SMARCC1: variants seen among roughly 807,000 people sequenced by gnomAD.
SMARCC1 encodes the protein SWI/SNF related BAF chromatin remodeling complex subunit C1.
In SMARCC1, 43 loss-of-function variants were observed where a neutral mutation model predicts 147.4. The ratio of observed to expected loss-of-function variants is 0.29; its 90% CI spans 0.23 to 0.38. The LOEUF (loss-of-function observed/expected upper bound fraction) is 0.38. Ranked by LOEUF, SMARCC1 falls within the 10% of genes least tolerant of loss-of-function variation. The pLI is 1.00. For synonymous variants in SMARCC1, 495 were observed against 484.4 expected (o/e 1.02, Z -0.29); for missense variants, 1,119 against 1,381.1 (o/e 0.81, Z 3.01).
intron 21 of SMARCC1, among the ~76,000 whole-genome samples, chr3:47,639,262 C>G (rs1289713045): frequency 1.3e-5 from 2 of 152,164 alleles, no homozygotes; most frequent in Non-Finnish European, 2.9e-5. Context: ...CAGATATTCA[C>G]TGAAATCTCA....
chr3:47,665,387 T>C (rs2033408177), intron 19 of SMARCC1, among the ~76,000 whole-genome samples: 1 of 152,204 alleles, frequency 6.6e-6, no homozygotes, highest in Admixed American at 6.6e-5. Flanking sequence ...AGTAGAAATA[T>C]ATCTACTGGG....
At chr3:47,700,695 C>T (rs2033907340) in intron 11 of SMARCC1, among the ~76,000 whole-genome samples, 1 of 151,942 alleles carries the variant, frequency 6.6e-6, no homozygotes, top group East Asian at 1.9e-4. Context: ...TGGCTAATTT[C>T]TATATTTTTA....
intron 1 of SMARCC1, among the ~76,000 whole-genome samples, chr3:47,776,653 T>G (rs1332852576): frequency 2.0e-5 from 3 of 151,958 alleles, no homozygotes; most frequent in Non-Finnish European, 4.4e-5. Flanking sequence ...AATGCCAAAC[T>G]CTATAGCTGA....
At chr3:47,708,126 G>T (rs1368946174) in intron 9 of SMARCC1, among the ~76,000 whole-genome samples, 2 of 65,432 alleles carry the variant, frequency 3.1e-5, no homozygotes, top group African/African-American at 1.1e-4. Flanking sequence ...TTGAGACAGG[G>T]TCTCACTCTG....
intron 24 of SMARCC1, among the ~76,000 whole-genome samples, chr3:47,626,466 A>G (rs2032812007): frequency 6.6e-6 from 1 of 151,396 alleles, no homozygotes; most frequent in African/African-American, 2.4e-5. Context: ...TTTAAAAAAA[A>G]AAAAAAAAGA....
At position 47,610,331 on chromosome 3, in the gene SMARCC1, T is replaced by C; in HGVS notation, c.2782-4A>G. The C allele has an allele frequency of 6.2e-7, 1 of 1,614,124 alleles. No individual in the cohort carries two copies. Among genetic ancestry groups the C allele is most frequent in the Non-Finnish European group, 8.5e-7 (1 of 1,179,956 alleles). ...ACTGCTGCCTCTGTTGTTCTAGCTG[T>C]AAGCAAAGGAAGTGGAAGAGAAATG... On this transcript the variant is annotated splice_region_variant and splice_polypyrimidine_tract_variant and intron_variant, in intron 25 of 27. Coordinates refer to ENST00000254480, the MANE Select transcript of SMARCC1 (RefSeq NM_003074.4).
intron 24 of SMARCC1, among the ~76,000 whole-genome samples, chr3:47,623,885 T>C (rs2032769719): frequency 3.9e-5 from 1 of 25,944 alleles, no homozygotes; most frequent in East Asian, 2.0e-3. Context: ...GTTTCTGGTA[T>C]TTTTTTTTTT....
At chr3:47,725,188 T>C (rs1186097879) in intron 6 of SMARCC1, among the ~76,000 whole-genome samples, 1 of 151,870 alleles carries the variant, frequency 6.6e-6, no homozygotes, top group Non-Finnish European at 1.5e-5. Context: ...ACCTTGAAAA[T>C]ATTATGCTAA....
chr3:47,604,158 G>A (rs2106659646), intron 26 of SMARCC1: 1 of 456,730 alleles, frequency 2.2e-6, no homozygotes, highest in Non-Finnish European at 4.4e-6. Context: ...AAGTGTTTAA[G>A]AGCCTAGCAG....
chr3:47,680,321 C>T, intron 15 of SMARCC1, 116 bp downstream of exon 15: 2 of 745,854 alleles, frequency 2.7e-6, no homozygotes, highest in African/African-American at 1.8e-5. Flanking sequence ...GAACACTGTT[C>T]TGAAAGGAGT....
In SMARCC1 at chr3:47,637,119, G is replaced by A. The variant is rs2032981536; in HGVS notation, c.2377-983C>T. On this transcript the variant is annotated intron_variant, in intron 22 of 27. Coordinates refer to ENST00000254480, the MANE Select transcript of SMARCC1 (RefSeq NM_003074.4). ...TGGTTTCAAAGTCCTAGTATCAAGT[G>A]ATCCTCCAGCCTCCCAAGTGATCCT... 3.9e-5 allele frequency among the ~76,000 whole-genome samples: 6 copies of A among 152,040 alleles called. No homozygotes were observed. In the South Asian group the frequency reaches 1.2e-3, roughly 32 times the overall value.
chr3:47,750,899 ATTTT>A (rs113564707), intron 2 of SMARCC1, among the ~76,000 whole-genome samples: 1 of 144,410 alleles, frequency 6.9e-6, no homozygotes, highest in Admixed American at 7.0e-5. Context: ...AGACAAAGTA[ATTTT>A]TTTTTTTTTT....
At chr3:47,765,635 GT>G (rs1350045846) in intron 2 of SMARCC1, among the ~76,000 whole-genome samples, 1 of 152,006 alleles carries the variant, frequency 6.6e-6, no homozygotes, top group Admixed American at 6.6e-5. Flanking sequence ...CTAGTCCCAT[GT>G]TCCCAAAGAT....
rs34523367 is a variant in SMARCC1 at position 47,740,178 on chromosome 3, CTTTTTTTTTTTTTTTTT to C, written c.402-2085_402-2069del. On this transcript the variant is annotated intron_variant, in intron 3 of 27. Coordinates refer to ENST00000254480, the MANE Select transcript of SMARCC1 (RefSeq NM_003074.4). ...GATGTGAGCCACCACGCCCGGCCATCTTTTTTTTTTTTTTTTTTTTTTTTTTTTTTTTTAAAAGACAG... is the reference window on the plus strand; with the variant it reads ...GATGTGAGCCACCACGCCCGGCCATCTTTTTTTTTTTTTTTTAAAAGACAG... Among the ~76,000 whole-genome samples the C allele has an allele frequency of 1.3e-3, 45 of 35,710 alleles. 1 individual carries two copies. Among genetic ancestry groups the C allele is most frequent in the Admixed American group, 2.3e-3 (4 of 1,766 alleles). 23.4% of individuals were successfully genotyped at this position (35,710 alleles called of 152,430 possible).
intron 11 of SMARCC1, among the ~76,000 whole-genome samples, chr3:47,695,292 T>A (rs2033835513): frequency 6.6e-6 from 1 of 152,324 alleles, no homozygotes; most frequent in Non-Finnish European, 1.5e-5. Flanking sequence ...TATGATCGCA[T>A]AGCTGTTATT....
chr3:47,710,972 C>T (rs1215144081), intron 8 of SMARCC1, among the ~76,000 whole-genome samples, 164 bp from the exon 9 acceptor site: 1 of 152,184 alleles, frequency 6.6e-6, no homozygotes, highest in African/African-American at 2.4e-5. Flanking sequence ...TTAATCATCT[C>T]TATTTTTATT....
chr3:47,683,154 T>C (rs1348813772), intron 14 of SMARCC1, among the ~76,000 whole-genome samples: 2 of 152,174 alleles, frequency 1.3e-5, no homozygotes, highest in Non-Finnish European at 2.9e-5. Context: ...GCCATTCTCC[T>C]GCCTCAGCCT....
intron 1 of SMARCC1, among the ~76,000 whole-genome samples, chr3:47,779,959 G>A (rs1422941924): frequency 6.6e-6 from 1 of 152,024 alleles, no homozygotes; most frequent in Non-Finnish European, 1.5e-5. Context: ...TTTAAAAAGT[G>A]ACCAATTTAT....
intron 21 of SMARCC1, among the ~76,000 whole-genome samples, chr3:47,656,504 G>A (rs1245659595): frequency 6.6e-6 from 1 of 152,214 alleles, no homozygotes; most frequent in Non-Finnish European, 1.5e-5. Context: ...AAGAAAGGTA[G>A]AACCTAAGTC....
Sources: allele counts gnomAD v4.1 joint callset (sites outside exome capture counted in the v4.1 genomes callset), GRCh38; gene constraint gnomAD v4.1.1; transcripts MANE v1.5; gene names NCBI Gene and HGNC (gene_info 2026-07-23, HGNC 2026-07-21).